The following MEGF6 variants were observed in gnomAD, a reference collection of about 807,000 sequenced individuals.
MEGF6 encodes multiple EGF like domains 6.
MEGF6 carries 184 observed loss-of-function variants against 207.1 expected under a neutral mutation model. That is an observed-to-expected ratio of 0.89 (90% CI 0.79 to 1.00). The LOEUF (loss-of-function observed/expected upper bound fraction) is 1.00, where lower values mean the gene tolerates loss of function less well. MEGF6 is among the 50% of genes least tolerant of loss of function. The pLI, the probability that MEGF6 is intolerant of heterozygous loss-of-function variation, is 0.00. For synonymous variants in MEGF6, 1,038 were observed against 910.0 expected (o/e 1.14, Z -2.53); for missense variants, 2,282 against 2,202.9 (o/e 1.04, Z -0.72).
At chr1:3,537,584 A>T (rs976370027) in intron 4 of MEGF6, among the ~76,000 whole-genome samples, 10 of 152,232 alleles carry the variant, frequency 6.6e-5, no homozygotes, top group Non-Finnish European at 1.3e-4. Flanking sequence ...GCCCTCACGG[A>T]CACCTGCAGC....
chr1:3,579,918 C>A lies in MEGF6; in HGVS notation c.388G>T (p.Ala130Ser). 3 of 1,527,338 alleles carry A rather than the reference C, an allele frequency of 2.0e-6. No individual in the cohort carries two copies. The highest frequency in any genetic ancestry group is 2.4e-5 in the Admixed American group (1 of 42,334). 94.6% of individuals were successfully genotyped at this position (1,527,338 alleles called of 1,614,324 possible). ...EEGCLSAECS[A>S]SLCFHGGRCV... The stretch of plus-strand genomic sequence containing the variant: ...CGGCCACCGTGAAAACAGAGGCTGG[C>A]GCTGCATTCAGCTGCGGAGGGAAGG... The change falls in exon 4 of 37, where the codon GCC (alanine) becomes TCC (serine). Residue 130 changes from alanine to serine, a missense_variant. Transcript: ENST00000356575.
Position 3,597,015 on chromosome 1 carries a change from C to T in MEGF6, c.267-1568G>A, listed in dbSNP as rs1245750649. Reference sequence around the variant, plus strand: ...AGGCCGCCAACCACCCGCTCCATGCCCCCTAAAGTGAAAGACCCTTGGAGA... The same window carrying T: ...AGGCCGCCAACCACCCGCTCCATGCTCCCTAAAGTGAAAGACCCTTGGAGA... On this transcript the variant is annotated intron_variant, in intron 2 of 36. Transcript: ENST00000356575. 5.9e-5 allele frequency among the ~76,000 whole-genome samples: 9 copies of T among 152,180 alleles called. No homozygotes were observed. The East Asian group carries it at 1.4e-3, about 23-fold the overall frequency.
At chr1:3,548,425 T>C (rs1429058682) in intron 4 of MEGF6, among the ~76,000 whole-genome samples, 2 of 152,252 alleles carry the variant, frequency 1.3e-5, no homozygotes, top group Non-Finnish European at 2.9e-5. Context: ...AATGCAGCTG[T>C]CAGCACAGCC....
At chr1:3,554,698 G>A (rs1232854653) in intron 4 of MEGF6, among the ~76,000 whole-genome samples, 3 of 152,186 alleles carry the variant, frequency 2.0e-5, no homozygotes, top group East Asian at 1.9e-4. Flanking sequence ...AGGTCCCCCT[G>A]CCCCTCCTCT....
At chr1:3,554,416 G>A (rs921418469) in intron 4 of MEGF6, among the ~76,000 whole-genome samples, 23 of 152,194 alleles carry the variant, frequency 1.5e-4, no homozygotes, top group African/African-American at 5.6e-4. Flanking sequence ...CCCGGTGAGA[G>A]GGGAGGGCGG....
At chr1:3,604,333 C>T (rs1644209693) in intron 1 of MEGF6, among the ~76,000 whole-genome samples, 1 of 152,140 alleles carries the variant, frequency 6.6e-6, no homozygotes, top group Non-Finnish European at 1.5e-5. Context: ...GGGTGGGGCA[C>T]AAGGCAGGGC....
the MEGF6 span, among the ~76,000 whole-genome samples, chr1:3,622,691 C>T: frequency 2.0e-5 from 3 of 152,146 alleles, no homozygotes; most frequent in Non-Finnish European, 4.4e-5. Context: ...GCAAGACATG[C>T]GTCAACCCTC....
intron 4 of MEGF6, among the ~76,000 whole-genome samples, chr1:3,525,626 C>T (rs1398359979): frequency 4.6e-5 from 7 of 152,244 alleles, no homozygotes; most frequent in Non-Finnish European, 1.0e-4. Context: ...CCCCGTGGCA[C>T]AGGCCACAGG....
chr1:3,585,112 T>C (rs891614804), intron 3 of MEGF6, among the ~76,000 whole-genome samples: 3 of 147,218 alleles, frequency 2.0e-5, no homozygotes, highest in South Asian at 2.5e-4. Flanking sequence ...TGTGAGGACG[T>C]ATGTCCTGTG....
chr1:3,599,134 A>G (rs1455150956), intron 2 of MEGF6, among the ~76,000 whole-genome samples: 1 of 152,136 alleles, frequency 6.6e-6, no homozygotes, highest in African/African-American at 2.4e-5. Context: ...CAGCCACCAC[A>G]ACACCACAAC....
At chr1:3,511,113 G>C (rs548132423) in intron 9 of MEGF6, among the ~76,000 whole-genome samples, 1 of 152,354 alleles carries the variant, frequency 6.6e-6, no homozygotes, top group South Asian at 2.1e-4. Flanking sequence ...GCACGTTCCT[G>C]GTCCCGCATA....
intron 3 of MEGF6, among the ~76,000 whole-genome samples, chr1:3,589,366 C>T (rs184243196): frequency 4.6e-5 from 7 of 152,194 alleles, no homozygotes; most frequent in Admixed American, 3.3e-4. Context: ...CTCATACCTG[C>T]GCCCCCCACC....
At chr1:3,511,212 G>A (rs998708893) in intron 9 of MEGF6, among the ~76,000 whole-genome samples, 5 of 152,256 alleles carry the variant, frequency 3.3e-5, no homozygotes, top group Non-Finnish European at 7.3e-5. Context: ...AGAGGGTGGG[G>A]ACTCCATCTG....
At chr1:3,540,420 C>A (rs547269197) in intron 4 of MEGF6, among the ~76,000 whole-genome samples, 1 of 152,328 alleles carries the variant, frequency 6.6e-6, no homozygotes, top group Non-Finnish European at 1.5e-5. Context: ...ATTCAGCCAC[C>A]CACAGGAACG....
At chr1:3,580,985 C>T (rs552268983) in intron 3 of MEGF6, among the ~76,000 whole-genome samples, 1 of 152,244 alleles carries the variant, frequency 6.6e-6, no homozygotes, top group African/African-American at 2.4e-5. Flanking sequence ...TTCCCAGGCA[C>T]AGGTCGTGTC....
At chr1:3,548,220 G>C (rs1166912497) in intron 4 of MEGF6, among the ~76,000 whole-genome samples, 2 of 152,212 alleles carry the variant, frequency 1.3e-5, no homozygotes, top group Non-Finnish European at 2.9e-5. Flanking sequence ...CAGCACCCCA[G>C]ACAGACGGAA....
At chr1:3,592,190 C>T (rs1348702339) in intron 3 of MEGF6, among the ~76,000 whole-genome samples, 1 of 152,224 alleles carries the variant, frequency 6.6e-6, no homozygotes, top group African/African-American at 2.4e-5. Flanking sequence ...ACGGTGCCCC[C>T]AGGCCTGCAG....
intron 29 of MEGF6, 102 bp downstream of exon 29, chr1:3,496,553 G>A: frequency 2.0e-6 from 3 of 1,503,326 alleles, no homozygotes; most frequent in African/African-American, 1.4e-5. Context: ...GGGCTGAAGG[G>A]CAGGGAGGTG....
intron 5 of MEGF6, among the ~76,000 whole-genome samples, chr1:3,522,947 AC>A (rs1175642465): frequency 1.3e-5 from 2 of 151,686 alleles, no homozygotes; most frequent in East Asian, 2.0e-4. Flanking sequence ...CTGGGGCCGC[AC>A]CCCCGTCTCC....
Sources: allele counts gnomAD v4.1 joint callset (sites outside exome capture counted in the v4.1 genomes callset), GRCh38; gene constraint gnomAD v4.1.1; transcripts MANE v1.5; gene names NCBI Gene and HGNC (gene_info 2026-07-23, HGNC 2026-07-21).